The following SEMA3F variants were observed in gnomAD, a reference collection of about 807,000 sequenced individuals.
SEMA3F encodes semaphorin 3F.
In SEMA3F, 30 loss-of-function variants were observed where a neutral mutation model predicts 98.5. The observed-to-expected ratio is 0.30, with a 90% confidence interval of 0.23 to 0.41. The LOEUF (loss-of-function observed/expected upper bound fraction) is 0.41. Among genes scored for constraint, SEMA3F ranks in the 10% least tolerant of loss-of-function variants. The pLI is 1.00. For synonymous variants in SEMA3F, 380 were observed against 444.8 expected, an observed-to-expected ratio of 0.85 and a Z score of 1.83; for missense variants, 866 against 1,119.3, an observed-to-expected ratio of 0.77 and a Z score of 3.23.
intron 12 of SEMA3F, chr3:50,184,386 T>G: frequency 1.7e-6 from 1 of 585,706 alleles, no homozygotes; most frequent in South Asian, 2.0e-5. Context: ...GCCAGGGAGG[T>G]GGCTGTGGCA....
chr3:50,175,446 C>T (rs1386611411), intron 6 of SEMA3F, among the ~76,000 whole-genome samples: 2 of 152,268 alleles, frequency 1.3e-5, no homozygotes, highest in African/African-American at 4.8e-5. Flanking sequence ...TGGGGACAGC[C>T]ATGCCTTAGC....
In SEMA3F at chr3:50,185,432, G is replaced by A. The variant is rs771439188; in HGVS notation, c.1457-11G>A. On this transcript the variant is annotated splice_polypyrimidine_tract_variant and intron_variant, in intron 13 of 18. Transcript: ENST00000002829. ...CCCAGCCCCACTGAGGCCCTGCCCGGCCCGTTCCAGACCGCGGGACAGTGC... is the reference window on the plus strand; with the variant it reads ...CCCAGCCCCACTGAGGCCCTGCCCGACCCGTTCCAGACCGCGGGACAGTGC... The A allele has an allele frequency of 2.5e-6, 4 of 1,611,008 alleles. No individual in the cohort carries two copies. Among genetic ancestry groups the A allele is most frequent in the East Asian group, 4.5e-5 (2 of 44,706 alleles).
chr3:50,159,519 A>G, intron 1 of SEMA3F, 56 bp from the exon 2 acceptor site: 1 of 663,542 alleles, frequency 1.5e-6, no homozygotes, highest in Non-Finnish European at 2.6e-6. Flanking sequence ...CACCTTGGGT[A>G]GAAATTGAAC....
In SEMA3F at chr3:50,156,238, C is replaced by A. The variant is rs955928313; in HGVS notation, c.-49+674C>A. Among the ~76,000 whole-genome samples, 1 of 152,184 alleles carries A rather than the reference C, an allele frequency of 6.6e-6. No individual in the cohort carries two copies. Among genetic ancestry groups the A allele is most frequent in the African/African-American group, 2.4e-5 (1 of 41,428 alleles). ...CAATCCCTAGTTTGAACCAGGGGTC[C>A]CAGTGGTGAAGTGGGCAGGGGACAG... is the stretch of plus-strand genomic sequence containing the variant. On this transcript the variant is annotated intron_variant, in intron 1 of 18. Transcript: ENST00000002829. This position sits in a 1 kb window ranked among gnomAD's most constrained non-coding sequence, Gnocchi z 4.5.
intron 17 of SEMA3F, 80 bp from the exon 18 acceptor site, chr3:50,186,532 GC>G (rs1699220803): frequency 6.6e-7 from 1 of 1,514,412 alleles, no homozygotes; most frequent in African/African-American, 1.4e-5. Flanking sequence ...GTGAGTGGGT[GC>G]CCCTCGGTGC....
rs773591831 is a variant in SEMA3F, at chr3:50,187,823, T to C, written c.2066T>C (p.Val689Ala). ...TATENNFKHV[V>A]TRVQLHVLGR... ...ACTGAGAACAACTTTAAGCACGTCGTCACACGAGTGCAGCTGCATGTACTG... is the reference window on the plus strand; with the variant it reads ...ACTGAGAACAACTTTAAGCACGTCGCCACACGAGTGCAGCTGCATGTACTG... The change falls in exon 19 of 19, where the codon GTC becomes GCC. Residue 689 changes from valine (V) to alanine (A), a missense_variant. Coordinates refer to ENST00000002829, the MANE Select transcript of SEMA3F (RefSeq NM_004186.5). The C allele has an allele frequency of 5.0e-6, 8 of 1,613,374 alleles. No individual in the cohort carries two copies. Among genetic ancestry groups the C allele is most frequent in the Middle Eastern group, 3.3e-4 (2 of 6,084 alleles).
At chr3:50,167,790 C>T (rs1053821642) in intron 2 of SEMA3F, among the ~76,000 whole-genome samples, 1 of 152,146 alleles carries the variant, frequency 6.6e-6, no homozygotes, top group Non-Finnish European at 1.5e-5. Context: ...GTCAGGGATA[C>T]AGAGACCATA....
intron 7 of SEMA3F, among the ~76,000 whole-genome samples, chr3:50,177,288 C>T (rs145539399): frequency 3.3e-5 from 5 of 152,280 alleles, no homozygotes; most frequent in African/African-American, 7.2e-5. Flanking sequence ...TGGAGAGTTC[C>T]GGCCCTGTGA....
In SEMA3F at chr3:50,166,906, G is replaced by A. The variant is rs1050034942; in HGVS notation, c.113-6887G>A. Among the ~76,000 whole-genome samples the A allele has an allele frequency of 3.3e-5, 5 of 152,148 alleles. No homozygotes were observed. The highest frequency in any genetic ancestry group is 1.2e-4 in the African/African-American group (5 of 41,424). On this transcript the variant is annotated intron_variant, in intron 2 of 18. Coordinates refer to ENST00000002829, the MANE Select transcript of SEMA3F (RefSeq NM_004186.5). The surrounding 1 kb of genome is among the most constrained non-coding windows in gnomAD (Gnocchi z 4.7). Reference sequence around the variant, plus strand: ...GGGCCAGGTCTGGAATGTGGGAGGAGGAGGTGGGTCCCCCGGGGGCCTCTG... The same window carrying A: ...GGGCCAGGTCTGGAATGTGGGAGGAAGAGGTGGGTCCCCCGGGGGCCTCTG...
rs1697933311 is a variant in SEMA3F at position 50,155,372 on chromosome 3, G to C, written c.-241G>C. ...GCCCGGGCTGGGGCCCGGGCCCTCG[G>C]CTGCTGACGCGCCCGAAGCCCGCGG... is the stretch of plus-strand genomic sequence containing the variant. On this transcript the variant is annotated 5_prime_UTR_variant, in exon 1 of 19. Coordinates refer to ENST00000002829, the MANE Select transcript of SEMA3F (RefSeq NM_004186.5). The surrounding 1 kb of genome is among the most constrained non-coding windows in gnomAD (Gnocchi z 4.9). The C allele has an allele frequency of 6.9e-6, 2 of 290,822 alleles. No individual in the cohort carries two copies. Among genetic ancestry groups the C allele is most frequent in the Non-Finnish European group, 1.3e-5 (2 of 159,366 alleles). The allele number at this position is 290,822 out of a possible 1,614,324, so 18.0% of individuals were successfully genotyped here. A position where few individuals can be genotyped will look rare whatever the true frequency, so the allele number is the denominator to read the frequency against.
At chr3:50,179,360 G>A (rs1449469368) in intron 7 of SEMA3F, among the ~76,000 whole-genome samples, 1 of 145,640 alleles carries the variant, frequency 6.9e-6, no homozygotes, top group Non-Finnish European at 1.5e-5. Flanking sequence ...GAGTCTTGCC[G>A]TATTTCCCAG....
In SEMA3F at chr3:50,155,615, G is replaced by A; in HGVS notation, c.-49+51G>A. On this transcript the variant is annotated intron_variant, in intron 1 of 18. Coordinates refer to ENST00000002829, the MANE Select transcript of SEMA3F (RefSeq NM_004186.5). This position sits in a 1 kb window ranked among gnomAD's most constrained non-coding sequence, Gnocchi z 4.9. Reference sequence around the variant, plus strand: ...AGCGGGCAGGCGGCCGGGCCACCCCGCGACCCCTCTGGGACCCGCGGCACT... The same window carrying A: ...AGCGGGCAGGCGGCCGGGCCACCCCACGACCCCTCTGGGACCCGCGGCACT... The A allele has an allele frequency of 3.9e-6, 1 of 258,678 alleles. No individual in the cohort carries two copies. The allele number at this position is 258,678 out of a possible 1,614,324, so 16.0% of individuals were successfully genotyped here.
rs546944729 is a variant in SEMA3F, at chr3:50,176,689, C to T, written c.550-79C>T. ...GGGTATGCCTGGGGGCTCATTCTCA[C>T]CCTGGGAGCCTGGTGACCCTTACAC... On this transcript the variant is annotated intron_variant, in intron 6 of 18. Coordinates refer to ENST00000002829, the MANE Select transcript of SEMA3F (RefSeq NM_004186.5). 3.0e-5 allele frequency: 31 copies of T among 1,047,454 alleles called. No individual in the cohort carries two copies. In the East Asian group the frequency reaches 6.9e-4, roughly 23 times the overall value. The allele number at this position is 1,047,454 out of a possible 1,614,324, so 64.9% of individuals were successfully genotyped here.
At chr3:50,177,738 A>G (rs1018758561) in intron 7 of SEMA3F, among the ~76,000 whole-genome samples, 12 of 152,320 alleles carry the variant, frequency 7.9e-5, no homozygotes, top group Admixed American at 2.6e-4. Flanking sequence ...ATTAAAAGTT[A>G]AGGCCAGGCT....
rs1699040857 is a variant in SEMA3F at position 50,182,274 on chromosome 3, C to T, written c.644-10C>T. On this transcript the variant is annotated splice_polypyrimidine_tract_variant and intron_variant, in intron 7 of 18. Transcript: ENST00000002829. The surrounding 1 kb of genome is among the most constrained non-coding windows in gnomAD (Gnocchi z 4.5). ...GCAGCCCCCCAACTGACCCACTGGCCTACCCACAGATGAGGAGCTCTATGC... is the reference window on the plus strand; with the variant it reads ...GCAGCCCCCCAACTGACCCACTGGCTTACCCACAGATGAGGAGCTCTATGC... The T allele has an allele frequency of 1.2e-6, 2 of 1,614,074 alleles. No individual in the cohort carries two copies. Among genetic ancestry groups the T allele is most frequent in the Middle Eastern group, 1.6e-4 (1 of 6,062 alleles).
In SEMA3F at chr3:50,186,330, C is replaced by A; in HGVS notation, c.1795C>A (p.Arg599Ser). 1 of 1,613,848 alleles carries A rather than the reference C, an allele frequency of 6.2e-7. No homozygotes were observed. The highest frequency in any genetic ancestry group is 1.1e-5 in the South Asian group (1 of 91,070). Residue 599 changes from arginine to serine, a missense_variant, in exon 17 of 19, where the codon CGT (arginine) becomes AGT (serine). Arg to Ser is a moderately radical substitution (Grantham distance 110). Transcript: ENST00000002829. ...GCACGGAAACCCCATCAGGCAGTGC[C>A]GTGGGTTCAACTCCAATGGTGAGTA... ...VRHGNPIRQC[R>S]GFNSNANKNA...
chr3:50,173,004 C>T (rs901135226), intron 2 of SEMA3F, among the ~76,000 whole-genome samples: 10 of 152,224 alleles, frequency 6.6e-5, no homozygotes, highest in African/African-American at 1.9e-4. Context: ...CTGGCCCGCA[C>T]CTACCGCCCT....
At position 50,182,521 on chromosome 3, in the gene SEMA3F, G is replaced by A. The variant is rs1415441994; in HGVS notation, c.763+118G>A. The A allele has an allele frequency of 6.4e-7, 1 of 1,571,176 alleles. No individual in the cohort carries two copies. ...GTTTAGCCTATGACTACCTGGGGCA[G>A]GGGTAGTTTCTTATCTGGAGAGGAG... On this transcript the variant is annotated intron_variant, in intron 8 of 18. Transcript: ENST00000002829. This position sits in a 1 kb window ranked among gnomAD's most constrained non-coding sequence, Gnocchi z 4.5.
rs1461836385 is a variant in SEMA3F, at chr3:50,166,300, A to G, written c.112+6566A>G. Among the ~76,000 whole-genome samples the G allele has an allele frequency of 6.6e-6, 1 of 152,152 alleles. No homozygotes were observed. Among genetic ancestry groups the G allele is most frequent in the Non-Finnish European group, 1.5e-5 (1 of 68,024 alleles). On this transcript the variant is annotated intron_variant, in intron 2 of 18. Transcript: ENST00000002829. This position sits in a 1 kb window ranked among gnomAD's most constrained non-coding sequence, Gnocchi z 4.7. ...CTCGTGTGTCTGCTGTTCAGCCAGC[A>G]CGGTTGCCTTCTAAGGGTCATACAC...
Sources: gnomAD v4.1 joint callset for allele counts (sites outside exome capture counted in the v4.1 genomes callset) on GRCh38, gnomAD v4.1.1 for gene constraint, Gnocchi (gnomAD v3.1) non-coding constraint, MANE v1.5 for transcripts, NCBI Gene and HGNC (gene_info 2026-07-23, HGNC 2026-07-21) for gene names.